The following RYR2 variants were observed in gnomAD, a reference collection of about 807,000 sequenced individuals.
RYR2 encodes cardiac muscle ryanodine receptor-calcium release channel.
A neutral mutation model predicts 601.1 loss-of-function variants in RYR2; 227 were observed. That is an observed-to-expected ratio of 0.38 (90% confidence interval 0.34 to 0.42). The LOEUF is 0.42. Ranked by LOEUF, RYR2 falls within the 10% of genes least tolerant of loss-of-function variation. RYR2 has a pLI of 1.00. For missense variants in RYR2, 4,646 were observed against 6,156.5 expected, an observed-to-expected ratio of 0.75 and a Z score of 8.21; for synonymous variants, 2,223 against 2,175.1, an observed-to-expected ratio of 1.02 and a Z score of -0.61.
intron 63 of RYR2, among the ~76,000 whole-genome samples, chr1:237,692,609 T>C (rs1228765164): frequency 6.6e-5 from 10 of 152,152 alleles, no homozygotes; most frequent in Non-Finnish European, 1.5e-4. Context: ...TCTCTCTGCC[T>C]CTTGAATGTG....
intron 7 of RYR2, among the ~76,000 whole-genome samples, chr1:237,376,896 T>C (rs991291114): frequency 1.2e-4 from 19 of 152,108 alleles, no homozygotes; most frequent in Non-Finnish European, 2.6e-4. Flanking sequence ...ACTGAGAACA[T>C]TTTCAAAAAA....
intron 91 of RYR2, among the ~76,000 whole-genome samples, chr1:237,786,927 A>C (rs2149362859): frequency 6.6e-6 from 1 of 152,328 alleles, no homozygotes; most frequent in African/African-American, 2.4e-5. Context: ...CCCCATAAAA[A>C]GTAGACACAA....
intron 1 of RYR2, among the ~76,000 whole-genome samples, chr1:237,165,452 A>G (rs1676596479): frequency 6.6e-6 from 1 of 152,216 alleles, no homozygotes; most frequent in Non-Finnish European, 1.5e-5. Context: ...TGAATTACAA[A>G]TTTTTGAGAC....
At chr1:237,099,243 A>T (rs897112121) in intron 1 of RYR2, among the ~76,000 whole-genome samples, 39 of 151,862 alleles carry the variant, frequency 2.6e-4, no homozygotes, top group African/African-American at 7.5e-4. Context: ...ATGGCTTTTT[A>T]AAAAAAATAT....
chr1:237,482,080 C>CAT (rs1210917046), intron 17 of RYR2, among the ~76,000 whole-genome samples: 1 of 152,074 alleles, frequency 6.6e-6, no homozygotes, highest in Admixed American at 6.6e-5. Flanking sequence ...TGTATATACT[C>CAT]ATGGGACACA....
chr1:237,306,700 A>G (rs1693902809), intron 2 of RYR2, among the ~76,000 whole-genome samples: 1 of 152,168 alleles, frequency 6.6e-6, no homozygotes, highest in South Asian at 2.1e-4. Flanking sequence ...AAAACCACAG[A>G]AGTAGATTTG....
chr1:237,704,726 A>AT, intron 66 of RYR2, among the ~76,000 whole-genome samples: 1 of 151,930 alleles, frequency 6.6e-6, no homozygotes, highest in East Asian at 1.9e-4. Context: ...TTATAAAGTG[A>AT]TTGGGGAAAC....
At position 237,810,820 on chromosome 1, in the gene RYR2, TAAATTACATTTA is replaced by T. The variant is rs551753434; in HGVS notation, c.14433+1787_14433+1798del. 5.1e-4 allele frequency among the ~76,000 whole-genome samples: 66 copies of T among 130,608 alleles called. 1 individual carries two copies. The South Asian group carries it at 0.017, about 34-fold the overall frequency. 85.7% of individuals were successfully genotyped at this position (130,608 alleles called of 152,430 possible). The stretch of plus-strand genomic sequence containing the variant: ...AGAGATATATAAATTACATTTTAAT[TAAATTACATTTA>T]ATTTAAAAAAACAAGATCTTGGATC... On this transcript the variant is annotated intron_variant, in intron 100 of 104. Transcript: ENST00000366574.
chr1:237,506,871 A>G, intron 23 of RYR2, 57 bp downstream of exon 23: 1 of 1,419,332 alleles, frequency 7.0e-7, no homozygotes, highest in Non-Finnish European at 9.9e-7. Context: ...CTGAAAACAT[A>G]ACTTTTTCTG....
At chr1:237,115,708 G>A (rs1669998306) in intron 1 of RYR2, among the ~76,000 whole-genome samples, 1 of 152,182 alleles carries the variant, frequency 6.6e-6, no homozygotes, top group Non-Finnish European at 1.5e-5. Context: ...CCGTGCCTCT[G>A]GGTGAGAACA....
intron 10 of RYR2, among the ~76,000 whole-genome samples, chr1:237,405,464 CAG>C (rs1236644144): frequency 6.6e-6 from 1 of 152,222 alleles, no homozygotes; most frequent in Non-Finnish European, 1.5e-5. Context: ...GTCTAATCCA[CAG>C]ACTCATTCTC....
chr1:237,639,513 T>G (rs1252984068), intron 46 of RYR2, among the ~76,000 whole-genome samples: 1 of 152,154 alleles, frequency 6.6e-6, no homozygotes, highest in Non-Finnish European at 1.5e-5. Flanking sequence ...GAAGTGAACC[T>G]TTGGGGTTAG....
chr1:237,459,714 GA>G (rs1558856079), intron 16 of RYR2, among the ~76,000 whole-genome samples: 1 of 152,148 alleles, frequency 6.6e-6, no homozygotes, highest in Non-Finnish European at 1.5e-5. Context: ...TACCTCCACA[GA>G]GTTATTTGGG....
intron 27 of RYR2, among the ~76,000 whole-genome samples, chr1:237,564,686 G>T (rs970331987): frequency 4.6e-5 from 7 of 152,130 alleles, no homozygotes; most frequent in Admixed American, 4.6e-4. Context: ...TACTTACCAA[G>T]TAATAGGCAT....
intron 8 of RYR2, among the ~76,000 whole-genome samples, chr1:237,382,887 C>T (rs1012876797): frequency 6.7e-6 from 1 of 149,384 alleles, no homozygotes; most frequent in Admixed American, 6.7e-5. Context: ...GAAAGAACAT[C>T]TATTTCTCTG....
chr1:237,201,043 T>C (rs1469149918), intron 1 of RYR2, among the ~76,000 whole-genome samples: 1 of 152,226 alleles, frequency 6.6e-6, no homozygotes, highest in African/African-American at 2.4e-5. Flanking sequence ...GCTGTGCCTA[T>C]GGCACAGGAT....
chr1:237,151,116 A>G (rs1408588244), intron 1 of RYR2, among the ~76,000 whole-genome samples: 2 of 152,168 alleles, frequency 1.3e-5, no homozygotes, highest in Non-Finnish European at 2.9e-5. Context: ...TTAGGAAAAT[A>G]GTTTTAGAGG....
intron 3 of RYR2, among the ~76,000 whole-genome samples, chr1:237,347,620 T>C (rs1377723592): frequency 1.3e-5 from 2 of 152,144 alleles, no homozygotes; most frequent in Non-Finnish European, 2.9e-5. Context: ...TTACCTTGTT[T>C]TGAATCTTTT....
intron 2 of RYR2, among the ~76,000 whole-genome samples, chr1:237,313,029 G>C (rs1467223367): frequency 6.7e-6 from 1 of 150,002 alleles, no homozygotes. Flanking sequence ...AAGATATGAA[G>C]CATATTCAGT....
Sources: allele counts gnomAD v4.1 joint callset (sites outside exome capture counted in the v4.1 genomes callset), GRCh38; gene constraint gnomAD v4.1.1; transcripts MANE v1.5; gene names NCBI Gene and HGNC (gene_info 2026-07-23, HGNC 2026-07-21).